The following LRRC4C variants were observed in gnomAD, a reference collection of about 807,000 sequenced individuals.
LRRC4C encodes the protein leucine rich repeat containing 4C.
Under a neutral mutation model 33.6 loss-of-function variants are expected in LRRC4C, and 5 were observed. That is an observed-to-expected ratio of 0.15 (90% CI 0.08 to 0.31). The LOEUF (loss-of-function observed/expected upper bound fraction) is 0.31. LRRC4C is among the 10% of genes least tolerant of loss of function. LRRC4C has a pLI of 1.00. For synonymous variants in LRRC4C, 329 were observed against 302.0 expected (o/e 1.09, Z -0.93); for missense variants, 560 against 796.7 (o/e 0.70, Z 3.58).
chr11:40,205,898 G>C (rs887740685), intron 5 of LRRC4C, among the ~76,000 whole-genome samples: 1 of 152,072 alleles, frequency 6.6e-6, no homozygotes, highest in South Asian at 2.1e-4. Flanking sequence ...TTCTAAAAAG[G>C]TATTACTTGA....
In LRRC4C at chr11:40,729,577, C is replaced by T. The variant is rs1591568282; in HGVS notation, c.-406-81299G>A. On this transcript the variant is annotated intron_variant, in intron 2 of 6. Transcript: ENST00000528697. Reference sequence around the variant, plus strand: ...AGATCATTCCCCAAAGCCTGGTCCTCACTCAACATTTGCCTGATCTCTGAT... The same window carrying T: ...AGATCATTCCCCAAAGCCTGGTCCTTACTCAACATTTGCCTGATCTCTGAT... Among the ~76,000 whole-genome samples, 4 of 152,258 alleles carry T rather than the reference C, an allele frequency of 2.6e-5. 1 individual carries two copies. The South Asian group carries it at 8.3e-4, about 32-fold the overall frequency.
At chr11:40,937,067 G>T (rs572948934) in intron 1 of LRRC4C, among the ~76,000 whole-genome samples, 1 of 152,140 alleles carries the variant, frequency 6.6e-6, no homozygotes, top group African/African-American at 2.4e-5. Context: ...ATCAACCCAG[G>T]TTTCCATCAA....
intron 1 of LRRC4C, among the ~76,000 whole-genome samples, chr11:41,384,704 G>A (rs1953288373): frequency 6.6e-6 from 1 of 150,972 alleles, no homozygotes; most frequent in South Asian, 2.1e-4. Context: ...TAACTTCACT[G>A]TCGGTTGATT....
intron 3 of LRRC4C, among the ~76,000 whole-genome samples, chr11:40,519,340 T>C (rs930564341): frequency 5.9e-5 from 9 of 152,202 alleles, no homozygotes; most frequent in African/African-American, 2.2e-4. Flanking sequence ...AGATAATGTT[T>C]TCATTAACAT....
At chr11:41,276,189 C>A (rs185076276) in intron 1 of LRRC4C, among the ~76,000 whole-genome samples, 1 of 152,132 alleles carries the variant, frequency 6.6e-6, no homozygotes, top group East Asian at 1.9e-4. Flanking sequence ...ACAAAATTCA[C>A]CATGTCCAAA....
intron 2 of LRRC4C, among the ~76,000 whole-genome samples, chr11:40,887,519 C>T (rs1325253883): frequency 6.6e-6 from 1 of 151,996 alleles, no homozygotes; most frequent in African/African-American, 2.4e-5. Context: ...AGAGCAAAGA[C>T]TTTGCTGACC....
intron 2 of LRRC4C, among the ~76,000 whole-genome samples, chr11:40,885,246 T>G (rs1955397864): frequency 6.6e-6 from 1 of 152,112 alleles, no homozygotes; most frequent in African/African-American, 2.4e-5. Flanking sequence ...AAGTTATTGC[T>G]TAGCACTTAT....
chr11:41,049,361 C>T (rs567281601), intron 1 of LRRC4C, among the ~76,000 whole-genome samples: 2 of 152,308 alleles, frequency 1.3e-5, no homozygotes, highest in Non-Finnish European at 2.9e-5. Flanking sequence ...ACTGTGAGTG[C>T]ATTAAATCTC....
At chr11:40,390,819 C>T (rs746060260) in intron 3 of LRRC4C, among the ~76,000 whole-genome samples, 14 of 152,094 alleles carry the variant, frequency 9.2e-5, no homozygotes, top group Middle Eastern at 3.2e-3. Context: ...TTTGTGAAAA[C>T]TCAGACCTCC....
intron 2 of LRRC4C, among the ~76,000 whole-genome samples, chr11:40,850,307 G>T (rs1321154827): frequency 6.6e-6 from 1 of 152,088 alleles, no homozygotes; most frequent in African/African-American, 2.4e-5. Flanking sequence ...GTGATCTTTG[G>T]ATGGAGTTTT....
At chr11:40,877,252 G>C (rs1467388190) in intron 2 of LRRC4C, among the ~76,000 whole-genome samples, 1 of 152,052 alleles carries the variant, frequency 6.6e-6, no homozygotes, top group Non-Finnish European at 1.5e-5. Flanking sequence ...TAGTTGTTCT[G>C]TCCGTATGCA....
intron 3 of LRRC4C, among the ~76,000 whole-genome samples, chr11:40,554,015 T>G (rs1957232267): frequency 6.6e-6 from 1 of 152,186 alleles, no homozygotes; most frequent in Non-Finnish European, 1.5e-5. Flanking sequence ...CATAAATTCT[T>G]TGCTGATGTT....
At chr11:40,700,151 G>T (rs1945796943) in intron 2 of LRRC4C, among the ~76,000 whole-genome samples, 1 of 152,092 alleles carries the variant, frequency 6.6e-6, no homozygotes, top group African/African-American at 2.4e-5. Flanking sequence ...TAGCTAAAAT[G>T]TACAGCTGTG....
intron 1 of LRRC4C, among the ~76,000 whole-genome samples, chr11:41,005,139 A>G (rs970898404): frequency 2.0e-5 from 3 of 152,118 alleles, no homozygotes; most frequent in African/African-American, 7.2e-5. Flanking sequence ...TGCACATCAT[A>G]TGCCTACTGA....
intron 3 of LRRC4C, among the ~76,000 whole-genome samples, chr11:40,564,376 A>G (rs955223107): frequency 1.3e-5 from 2 of 152,150 alleles, no homozygotes; most frequent in Admixed American, 6.5e-5. Context: ...GCCCTAGAAG[A>G]TTATTTTCTT....
chr11:40,330,235 A>G (rs1474862611), intron 3 of LRRC4C, among the ~76,000 whole-genome samples: 1 of 152,232 alleles, frequency 6.6e-6, no homozygotes, highest in Non-Finnish European at 1.5e-5. Context: ...ATACCCAGAT[A>G]GCTGGTAAAA....
chr11:41,369,120 GC>G (rs1204320657), intron 1 of LRRC4C, among the ~76,000 whole-genome samples: 2 of 151,974 alleles, frequency 1.3e-5, no homozygotes, highest in Non-Finnish European at 2.9e-5. Flanking sequence ...AAATCTAAGT[GC>G]TGGAAAAAAA....
At chr11:40,217,574 C>A (rs1026429531) in intron 5 of LRRC4C, among the ~76,000 whole-genome samples, 1 of 152,096 alleles carries the variant, frequency 6.6e-6, no homozygotes, top group South Asian at 2.1e-4. Context: ...ATCTGGTATA[C>A]AAATTAAATG....
At chr11:40,881,070 A>AAAT (rs1955153177) in intron 2 of LRRC4C, among the ~76,000 whole-genome samples, 1 of 152,008 alleles carries the variant, frequency 6.6e-6, no homozygotes, top group Non-Finnish European at 1.5e-5. Context: ...AGATTAAAAA[A>AAAT]AATTGTGCCC....
Sources: allele counts gnomAD v4.1 joint callset (sites outside exome capture counted in the v4.1 genomes callset), GRCh38; gene constraint gnomAD v4.1.1; transcripts MANE v1.5; gene names NCBI Gene and HGNC (gene_info 2026-07-23, HGNC 2026-07-21).